Variants in CAMKK2 observed in about 807,000 individuals in gnomAD.
CAMKK2 encodes calcium/calmodulin-dependent protein kinase kinase 2.
A neutral mutation model predicts 67.2 loss-of-function variants in CAMKK2; 30 were observed. That is an observed-to-expected ratio of 0.45 (90% CI 0.33 to 0.61). CAMKK2 has a LOEUF of 0.61. CAMKK2 is among the 20% of genes least tolerant of loss of function. The pLI, the probability that CAMKK2 is intolerant of heterozygous loss-of-function variation, is 0.02. For missense variants in CAMKK2, 643 were observed against 802.0 expected (o/e 0.80, Z 2.39); for synonymous variants, 322 against 326.2 (o/e 0.99, Z 0.14).
At chr12:121,260,469 G>A (rs1893224963) in intron 6 of CAMKK2, 114 bp from the exon 7 acceptor site, 2 of 859,464 alleles carry the variant, frequency 2.3e-6, no homozygotes, top group Non-Finnish European at 3.8e-6. Flanking sequence ...CAACAGGAGG[G>A]CTGCATTTGG....
intron 6 of CAMKK2, among the ~76,000 whole-genome samples, chr12:121,262,789 T>C (rs1893728555): frequency 6.6e-6 from 1 of 151,902 alleles, no homozygotes; most frequent in South Asian, 2.1e-4. Context: ...CAAACTGCTG[T>C]CCTCAGGTGA....
chr12:121,248,448 C>T (rs1889947575), intron 14 of CAMKK2, among the ~76,000 whole-genome samples, 158 bp downstream of exon 14: 1 of 152,234 alleles, frequency 6.6e-6, no homozygotes, highest in African/African-American at 2.4e-5. Context: ...GTCACCTGGC[C>T]TGATACATGA....
chr12:121,246,833 C>T (rs1474928415), intron 14 of CAMKK2, among the ~76,000 whole-genome samples: 1 of 149,956 alleles, frequency 6.7e-6, no homozygotes, highest in Non-Finnish European at 1.5e-5. Flanking sequence ...AGCCCCCCAG[C>T]CCCCTACCCC....
At chr12:121,284,080 G>A (rs371401149) in intron 1 of CAMKK2, among the ~76,000 whole-genome samples, 4 of 152,174 alleles carry the variant, frequency 2.6e-5, no homozygotes, top group East Asian at 3.9e-4. Flanking sequence ...CCCTCCCCTC[G>A]GCCCACATCT....
rs565012498 is a variant in CAMKK2 at position 121,256,863 on chromosome 12, C to T, written c.797-1059G>A. The stretch of plus-strand genomic sequence containing the variant: ...GGCTGTTGGGAAGTGCTGCAATGAA[C>T]GTTCGTGTACATGGATATGTTCATG... On this transcript the variant is annotated intron_variant, in intron 7 of 16. Transcript: ENST00000404169. Among the ~76,000 whole-genome samples the T allele has an allele frequency of 6.6e-5, 10 of 152,162 alleles. No individual in the cohort carries two copies. In the South Asian group the frequency reaches 1.2e-3, roughly 19 times the overall value.
At chr12:121,263,558 G>A (rs542673792) in intron 6 of CAMKK2, among the ~76,000 whole-genome samples, 2 of 152,272 alleles carry the variant, frequency 1.3e-5, no homozygotes, top group South Asian at 4.1e-4. Context: ...GGATCCCTCT[G>A]AGCCTCAATT....
At chr12:121,290,168 A>C (rs1899716120) in intron 1 of CAMKK2, among the ~76,000 whole-genome samples, 1 of 152,088 alleles carries the variant, frequency 6.6e-6, no homozygotes, top group African/African-American at 2.4e-5. Context: ...GGAACATGGA[A>C]GGGTTCAGGA....
intron 14 of CAMKK2, among the ~76,000 whole-genome samples, chr12:121,246,060 G>A (rs1222543696): frequency 3.3e-5 from 5 of 152,100 alleles, no homozygotes; most frequent in African/African-American, 2.4e-5. Flanking sequence ...GACACAGAGG[G>A]CAGGTGAGTG....
chr12:121,270,732 G>A (rs1895591261), intron 3 of CAMKK2, among the ~76,000 whole-genome samples, 166 bp downstream of exon 3: 1 of 152,032 alleles, frequency 6.6e-6, no homozygotes, highest in Non-Finnish European at 1.5e-5. Context: ...TAAGATACAA[G>A]AAAACAAAAC....
At chr12:121,246,849 G>A (rs549665080) in intron 14 of CAMKK2, among the ~76,000 whole-genome samples, 1 of 123,838 alleles carries the variant, frequency 8.1e-6, no homozygotes, top group South Asian at 2.9e-4. Flanking sequence ...ACCCCTGAGA[G>A]CAGGCACTGG....
Position 121,240,776 on chromosome 12 carries a change from T to A in CAMKK2, c.1690A>T (p.Ser564Cys). ...GAGCCGGGGGCGGGGGCCCAGCAAC[T>A]TTCCACGCAGGGACTGCCTCTCACA... ...ALVRGSPCVE[S>C]CWAPAPGSPA... is the part of the protein sequence containing the mutation. Residue 564 changes from serine to cysteine, a missense_variant, in exon 17 of 17, where the codon AGT (serine) becomes TGT (cysteine). Transcript: ENST00000404169. This position sits in a 1 kb window ranked among gnomAD's most constrained non-coding sequence, Gnocchi z 4.4. The A allele has an allele frequency of 6.2e-7, 1 of 1,609,122 alleles. No homozygotes were observed. Among genetic ancestry groups the A allele is most frequent in the Non-Finnish European group, 8.5e-7 (1 of 1,178,914 alleles).
intron 1 of CAMKK2, among the ~76,000 whole-genome samples, chr12:121,280,748 C>A (rs1310056893): frequency 2.6e-5 from 4 of 152,150 alleles, no homozygotes; most frequent in Non-Finnish European, 5.9e-5. Flanking sequence ...TCCCATCTCC[C>A]ATAGCGCTCC....
At position 121,240,969 on chromosome 12, in the gene CAMKK2, G is replaced by A. The variant is rs568017491; in HGVS notation, c.1597-100C>T. 2.6e-4 allele frequency: 301 copies of A among 1,150,470 alleles called. No homozygotes were observed. In the African/African-American group the frequency reaches 3.9e-3, roughly 15 times the overall value. The allele number at this position is 1,150,470 out of a possible 1,614,324, so 71.3% of individuals were successfully genotyped here. A position where few individuals can be genotyped will look rare whatever the true frequency, so the allele number is the denominator to read the frequency against. ...TCTGGGCCCCCTGCCCAAGTGGGCC[G>A]TCGCGCACCCCCTGGAACGTGATCT... On this transcript the variant is annotated intron_variant, in intron 16 of 16. Transcript: ENST00000404169. The surrounding 1 kb of genome is among the most constrained non-coding windows in gnomAD (Gnocchi z 4.4).
At chr12:121,262,720 G>A (rs538827555) in intron 6 of CAMKK2, among the ~76,000 whole-genome samples, 12 of 151,768 alleles carry the variant, frequency 7.9e-5, no homozygotes, top group Non-Finnish European at 1.8e-4. Context: ...CACCATACCG[G>A]GCTAATTTTT....
Position 121,240,993 on chromosome 12 carries a change from C to T in CAMKK2, c.1597-124G>A. 1 of 885,442 alleles carries T rather than the reference C, an allele frequency of 1.1e-6. No individual in the cohort carries two copies. The highest frequency in any genetic ancestry group is 1.7e-6 in the Non-Finnish European group (1 of 576,020). 54.8% of individuals were successfully genotyped at this position (885,442 alleles called of 1,614,324 possible). A position where few individuals can be genotyped will look rare whatever the true frequency, so the allele number is the denominator to read the frequency against. ...CGTCGCGCACCCCCTGGAACGTGAT[C>T]TACGTAACCCAGTCTTTGAGATCCT... On this transcript the variant is annotated intron_variant, in intron 16 of 16. Transcript: ENST00000404169. The surrounding 1 kb of genome is among the most constrained non-coding windows in gnomAD (Gnocchi z 4.4).
intron 1 of CAMKK2, among the ~76,000 whole-genome samples, chr12:121,276,910 G>GGA: frequency 9.4e-6 from 1 of 106,032 alleles, no homozygotes. Flanking sequence ...GGTGGGGGGG[G>GGA]GGTCTCTCTA....
At chr12:121,249,924 C>T (rs370819656) in intron 12 of CAMKK2, 37 bp downstream of exon 12, 27 of 1,613,136 alleles carry the variant, frequency 1.7e-5, no homozygotes, top group Admixed American at 1.0e-4. Context: ...GCCAAGAACT[C>T]GGACAGGAGA....
At position 121,240,823 on chromosome 12, in the gene CAMKK2, C is replaced by A. The variant is rs774966869; in HGVS notation, c.1643G>T (p.Arg548Leu). The change falls in exon 17 of 17, where the codon CGT (arginine) becomes CTT (leucine). Residue 548 changes from arginine (R) to leucine (L), a missense_variant. Arg to Leu is a moderately radical substitution (Grantham distance 102, BLOSUM62 -2). Coordinates refer to ENST00000404169, the MANE Select transcript of CAMKK2 (RefSeq NM_001270485.2). This position sits in a 1 kb window ranked among gnomAD's most constrained non-coding sequence, Gnocchi z 4.4. The stretch of plus-strand genomic sequence containing the variant: ...CACAAGAGCACTTCCTCCTCCCCCA[C>A]GGGGGGCGGGTCGGTGCCCTGGAGG... ...RQPPGHRPAP[R>L]GGGGSALVRG... 2 of 1,611,708 alleles carry A rather than the reference C, an allele frequency of 1.2e-6. No individual in the cohort carries two copies. The highest frequency in any genetic ancestry group is 1.7e-6 in the Non-Finnish European group (2 of 1,179,592).
At chr12:121,248,573 C>T in intron 14 of CAMKK2, 33 bp downstream of exon 14, 1 of 1,613,566 alleles carries the variant, frequency 6.2e-7, no homozygotes, top group Non-Finnish European at 8.5e-7. Context: ...GCTCCTGGGT[C>T]CCTGCTCTGG....
Sources: gnomAD v4.1 joint callset for allele counts (sites outside exome capture counted in the v4.1 genomes callset) on GRCh38, gnomAD v4.1.1 for gene constraint, Gnocchi (gnomAD v3.1) non-coding constraint, MANE v1.5 for transcripts, NCBI Gene and HGNC (gene_info 2026-07-23, HGNC 2026-07-21) for gene names.